MGAT5: variants seen among roughly 807,000 people sequenced by gnomAD.
MGAT5 encodes alpha-1,6-mannosylglycoprotein 6-beta-N-acetylglucosaminyltransferase A.
In MGAT5, 30 loss-of-function variants were observed where a neutral mutation model predicts 94.3. The observed-to-expected ratio is 0.32, with a 90% CI of 0.24 to 0.43. MGAT5 has a LOEUF of 0.43. Ranked by LOEUF, MGAT5 falls within the 20% of genes least tolerant of loss-of-function variation. The pLI is 1.00. For missense variants in MGAT5, 691 were observed against 905.5 expected (o/e 0.76, Z 3.04); for synonymous variants, 310 against 322.9 (o/e 0.96, Z 0.43).
At chr2:134,241,836 C>T (rs768074357) in intron 1 of MGAT5, among the ~76,000 whole-genome samples, 21 of 152,150 alleles carry the variant, frequency 1.4e-4, no homozygotes, top group Non-Finnish European at 2.8e-4. Context: ...TGGGCAAAGC[C>T]GACCTAGAGC....
At chr2:134,425,548 T>C (rs1255510774) in intron 13 of MGAT5, among the ~76,000 whole-genome samples, 2 of 152,162 alleles carry the variant, frequency 1.3e-5, no homozygotes, top group Non-Finnish European at 1.5e-5. Context: ...CAGATTCTGC[T>C]TACTCAGAAT....
At chr2:134,446,100 C>G (rs530583878) in intron 15 of MGAT5, among the ~76,000 whole-genome samples, 5 of 152,234 alleles carry the variant, frequency 3.3e-5, no homozygotes, top group African/African-American at 1.2e-4. Context: ...GAGGAGCTGC[C>G]TGGTGTCGGG....
Position 134,122,949 on chromosome 2 carries a change from A to C in MGAT5, c.-143+2658A>C, listed in dbSNP as rs77747067. ...GGATCTCCTCAGCAGTGTGCATTTCAAGTGCTTTGTGTTTGGAAGTGTGAA... is the reference window on the plus strand; with the variant it reads ...GGATCTCCTCAGCAGTGTGCATTTCCAGTGCTTTGTGTTTGGAAGTGTGAA... On this transcript the variant is annotated intron_variant, in intron 1 of 16. Coordinates refer to the MGAT5 transcript ENST00000409645. Among the ~76,000 whole-genome samples, 9 of 152,330 alleles carry C rather than the reference A, an allele frequency of 5.9e-5. No homozygotes were observed. In the East Asian group the frequency reaches 1.7e-3, roughly 29 times the overall value.
intron 10 of MGAT5, among the ~76,000 whole-genome samples, chr2:134,381,330 C>CTAGATAGATAG (rs1681529677): frequency 1.5e-5 from 1 of 67,810 alleles, no homozygotes; most frequent in Non-Finnish European, 3.2e-5. Context: ...AGACCTGTCT[C>CTAGATAGATAG]ATAGATAGAT....
intron 2 of MGAT5, among the ~76,000 whole-genome samples, chr2:134,290,631 G>A: frequency 6.6e-6 from 1 of 152,174 alleles, no homozygotes; most frequent in East Asian, 1.9e-4. Flanking sequence ...CTTTACAAGG[G>A]GTGCTCCCCC....
At chr2:134,159,188 C>CGTGT (rs138643972) in intron 1 of MGAT5, among the ~76,000 whole-genome samples, 38,433 of 143,650 alleles carry the variant, frequency 0.27, 5,302 homozygotes, top group African/African-American at 0.34. Flanking sequence ...GGTCTAAATT[C>CGTGT]GTGTGTGTGT....
chr2:134,232,055 A>G lies in MGAT5; in HGVS notation c.-142-22207A>G, dbSNP rs546932854. ...CATGTCACCTTTTCCTCAGCTGCCC[A>G]AGCTGGAAGCCTAGTGGTCATTCTA... On this transcript the variant is annotated intron_variant, in intron 1 of 16. Coordinates refer to the MGAT5 transcript ENST00000409645. Among the ~76,000 whole-genome samples, 23 of 150,686 alleles carry G rather than the reference A, an allele frequency of 1.5e-4. 1 individual carries two copies. The South Asian group carries it at 4.9e-3, about 32-fold the overall frequency.
intron 12 of MGAT5, among the ~76,000 whole-genome samples, chr2:134,421,461 T>C (rs1376830320): frequency 1.3e-5 from 2 of 151,992 alleles, no homozygotes; most frequent in African/African-American, 4.8e-5. Flanking sequence ...GGTGCGCACC[T>C]ATAGTTCCAG....
chr2:134,319,093 T>C (rs1687173004), intron 4 of MGAT5, among the ~76,000 whole-genome samples: 1 of 152,192 alleles, frequency 6.6e-6, no homozygotes, highest in Admixed American at 6.5e-5. Context: ...TAGAATTCCT[T>C]GTATCTTGCA....
chr2:134,206,234 A>G (rs993889503), intron 1 of MGAT5, among the ~76,000 whole-genome samples: 2 of 152,216 alleles, frequency 1.3e-5, no homozygotes, highest in Non-Finnish European at 2.9e-5. Context: ...GAGAGGAAAG[A>G]GAAGTGATTT....
chr2:134,318,720 T>C lies in MGAT5; in HGVS notation c.554T>C (p.Phe185Ser). The C allele has an allele frequency of 6.2e-7, 1 of 1,613,254 alleles. No individual in the cohort carries two copies. The highest frequency in any genetic ancestry group is 8.5e-7 in the Non-Finnish European group (1 of 1,179,318). The part of the protein sequence containing the change: ...DYGVDGSTCS[F>S]FIYLSEVENW... ...GGAGTGGATGGATCCACCTGCTCTT[T>C]TTTTATTTACCTCAGTGAGGTGAGT... Residue 185 changes from phenylalanine (F) to serine (S), a missense_variant, in exon 4 of 16, where the codon TTT becomes TCT. Around this residue, in one of 4 missense-constraint regions of MGAT5, gnomAD observed 307 missense variants for 335.4 expected, o/e 0.92. Coordinates refer to ENST00000281923, the MANE Select transcript of MGAT5 (RefSeq NM_002410.5).
chr2:134,187,879 A>G (rs1214777063), intron 1 of MGAT5, among the ~76,000 whole-genome samples: 1 of 152,238 alleles, frequency 6.6e-6, no homozygotes, highest in Non-Finnish European at 1.5e-5. Flanking sequence ...ATAAAAATGA[A>G]GAAGTATTGA....
intron 4 of MGAT5, among the ~76,000 whole-genome samples, chr2:134,332,294 A>G (rs1688023729): frequency 6.6e-6 from 1 of 152,040 alleles, no homozygotes; most frequent in African/African-American, 2.4e-5. Flanking sequence ...CATATCTACA[A>G]CTATCTGATC....
intron 1 of MGAT5, among the ~76,000 whole-genome samples, chr2:134,132,393 G>C (rs888639271): frequency 1.3e-5 from 2 of 152,184 alleles, no homozygotes; most frequent in African/African-American, 4.8e-5. Context: ...CTCACATATG[G>C]AAGTAGGTAA....
chr2:134,213,912 G>A (rs967002214), intron 1 of MGAT5, among the ~76,000 whole-genome samples: 3 of 152,062 alleles, frequency 2.0e-5, no homozygotes, highest in Non-Finnish European at 4.4e-5. Context: ...TCATTATGTA[G>A]GGACGATCGA....
intron 2 of MGAT5, among the ~76,000 whole-genome samples, chr2:134,311,583 T>A (rs1013317326): frequency 2.0e-5 from 3 of 152,182 alleles, no homozygotes; most frequent in African/African-American, 7.2e-5. Context: ...CCTCACTTTA[T>A]CATCCTCGCC....
At chr2:134,382,175 A>G (rs1681670151) in intron 10 of MGAT5, among the ~76,000 whole-genome samples, 2 of 151,942 alleles carry the variant, frequency 1.3e-5, no homozygotes, top group African/African-American at 4.8e-5. Context: ...GGGTCACTTG[A>G]AGCCAGGAGT....
At chr2:134,437,076 C>T (rs893753196) in intron 14 of MGAT5, among the ~76,000 whole-genome samples, 1 of 152,218 alleles carries the variant, frequency 6.6e-6, no homozygotes, top group African/African-American at 2.4e-5. Flanking sequence ...GCAACCTCTG[C>T]CTCCCGGGTT....
At chr2:134,226,199 A>G (rs16830230) in intron 1 of MGAT5, among the ~76,000 whole-genome samples, 9,954 of 152,272 alleles carry the variant, frequency 0.065, 350 homozygotes, top group East Asian at 0.085. Context: ...TTTCCTTCCA[A>G]ATTGCCTAGT....
Sources: allele counts gnomAD v4.1 joint callset (sites outside exome capture counted in the v4.1 genomes callset), GRCh38; gene constraint gnomAD v4.1.1; regional missense constraint gnomAD v4.1.1; transcripts MANE v1.5; gene names NCBI Gene and HGNC (gene_info 2026-07-23, HGNC 2026-07-21).